Variants in CTNNA3 observed in about 807,000 individuals in gnomAD.
CTNNA3 encodes catenin alpha-3.
CTNNA3 carries 76 observed loss-of-function variants against 95.7 expected under a neutral mutation model. The ratio of observed to expected loss-of-function variants is 0.79; its 90% CI spans 0.66 to 0.96. The LOEUF is 0.96. Among genes scored for constraint, CTNNA3 ranks in the 40% least tolerant of loss-of-function variants. CTNNA3 has a pLI of 0.00. For synonymous variants in CTNNA3, 431 were observed against 374.4 expected, an observed-to-expected ratio of 1.15 and a Z score of -1.74; for missense variants, 1,191 against 1,089.8, an observed-to-expected ratio of 1.09 and a Z score of -1.31.
At chr10:66,667,252 T>C (rs755711805) in intron 9 of CTNNA3, among the ~76,000 whole-genome samples, 10 of 151,990 alleles carry the variant, frequency 6.6e-5, no homozygotes, top group Non-Finnish European at 1.0e-4. Flanking sequence ...TCTGATAAAA[T>C]TGCCCTTGTT....
At chr10:66,912,976 A>T (rs1846285076) in intron 7 of CTNNA3, among the ~76,000 whole-genome samples, 1 of 151,982 alleles carries the variant, frequency 6.6e-6, no homozygotes, top group Admixed American at 6.6e-5. Context: ...GCGGTGGCTC[A>T]TGCCTGTAAT....
chr10:67,208,252 C>T (rs1191120354), intron 6 of CTNNA3, among the ~76,000 whole-genome samples: 2 of 151,442 alleles, frequency 1.3e-5, no homozygotes, highest in African/African-American at 4.9e-5. Context: ...TGGTGGCAGG[C>T]GCCTGTAATC....
chr10:65,976,730 C>G (rs945327414), intron 16 of CTNNA3, among the ~76,000 whole-genome samples: 1 of 152,104 alleles, frequency 6.6e-6, no homozygotes, highest in African/African-American at 2.4e-5. Flanking sequence ...TGCCTCATTC[C>G]TACTTTAAGA....
At chr10:67,530,935 G>A (rs765430059) in intron 4 of CTNNA3, among the ~76,000 whole-genome samples, 14 of 152,198 alleles carry the variant, frequency 9.2e-5, no homozygotes, top group Non-Finnish European at 1.6e-4. Flanking sequence ...GTCGAGCTTG[G>A]GCTGTGGCTT....
At chr10:67,649,484 G>A (rs1175621878) in intron 1 of CTNNA3, among the ~76,000 whole-genome samples, 1 of 152,096 alleles carries the variant, frequency 6.6e-6, no homozygotes, top group East Asian at 1.9e-4. Flanking sequence ...TTAAGTCTGT[G>A]TTCATGTCTT....
At chr10:67,222,202 T>C (rs1170918232) in intron 5 of CTNNA3, among the ~76,000 whole-genome samples, 2 of 152,224 alleles carry the variant, frequency 1.3e-5, no homozygotes, top group African/African-American at 4.8e-5. Flanking sequence ...TTGGAGAGAT[T>C]AACTTCGTTA....
At chr10:66,846,625 T>A (rs895426915) in intron 7 of CTNNA3, among the ~76,000 whole-genome samples, 2 of 152,122 alleles carry the variant, frequency 1.3e-5, no homozygotes, top group Non-Finnish European at 2.9e-5. Flanking sequence ...CATTTGTCAG[T>A]TATACCTCAG....
intron 7 of CTNNA3, among the ~76,000 whole-genome samples, chr10:66,936,792 AT>A (rs1847725352): frequency 1.3e-5 from 2 of 152,076 alleles, no homozygotes; most frequent in Admixed American, 1.3e-4. Context: ...TTGGTTTCTT[AT>A]GCGTTATCAA....
intron 7 of CTNNA3, among the ~76,000 whole-genome samples, chr10:66,952,226 A>G (rs1056701839): frequency 2.0e-5 from 3 of 152,228 alleles, no homozygotes; most frequent in Non-Finnish European, 4.4e-5. Flanking sequence ...CAAAATGAAA[A>G]GAATACTCAT....
chr10:67,005,371 C>T (rs541247963), intron 7 of CTNNA3, among the ~76,000 whole-genome samples: 194 of 152,174 alleles, frequency 1.3e-3, no homozygotes, highest in African/African-American at 4.4e-3. Flanking sequence ...ATCACTTCCC[C>T]CAAGCAGACA....
At chr10:67,265,355 T>C (rs1178579681) in intron 5 of CTNNA3, among the ~76,000 whole-genome samples, 1 of 151,958 alleles carries the variant, frequency 6.6e-6, no homozygotes, top group African/African-American at 2.4e-5. Flanking sequence ...CCTAAAATGG[T>C]GAAAGAGCAA....
At chr10:67,320,869 G>T (rs1841290448) in intron 5 of CTNNA3, among the ~76,000 whole-genome samples, 1 of 152,142 alleles carries the variant, frequency 6.6e-6, no homozygotes, top group Non-Finnish European at 1.5e-5. Flanking sequence ...AGATTGGAAG[G>T]AAACATTTCT....
intron 13 of CTNNA3, among the ~76,000 whole-genome samples, chr10:66,115,868 C>T (rs974211666): frequency 2.3e-4 from 35 of 152,064 alleles, no homozygotes; most frequent in African/African-American, 7.7e-4. Context: ...AAAGAAATTA[C>T]ACATTACTGT....
At chr10:66,103,943 T>G (rs1346498393) in intron 13 of CTNNA3, among the ~76,000 whole-genome samples, 2 of 152,206 alleles carry the variant, frequency 1.3e-5, no homozygotes, top group African/African-American at 4.8e-5. Flanking sequence ...AGGGAAAATT[T>G]TATTTCAGTG....
chr10:67,677,353 T>C (rs548975062), intron 1 of CTNNA3, among the ~76,000 whole-genome samples: 37 of 152,268 alleles, frequency 2.4e-4, no homozygotes, highest in Non-Finnish European at 4.4e-4. Context: ...TGGGACATAC[T>C]TACACACGCA....
chr10:66,905,676 G>C (rs1180124179), intron 7 of CTNNA3, among the ~76,000 whole-genome samples: 2 of 152,150 alleles, frequency 1.3e-5, no homozygotes, highest in Admixed American at 6.5e-5. Flanking sequence ...TGGTGGAGTA[G>C]TGTTTGGCCT....
intron 14 of CTNNA3, among the ~76,000 whole-genome samples, chr10:66,085,668 TA>T (rs1360495865): frequency 6.6e-6 from 1 of 152,190 alleles, no homozygotes; most frequent in Non-Finnish European, 1.5e-5. Context: ...TTTTAAGTGC[TA>T]AAAACTGCCA....
intron 13 of CTNNA3, among the ~76,000 whole-genome samples, chr10:66,258,151 T>C (rs1442068975): frequency 6.6e-6 from 1 of 152,176 alleles, no homozygotes; most frequent in Admixed American, 6.5e-5. Flanking sequence ...TCTACTCCCT[T>C]ATGTGGATGA....
chr10:67,101,414 A>T (rs1231946165), intron 7 of CTNNA3, among the ~76,000 whole-genome samples: 1 of 150,460 alleles, frequency 6.6e-6, no homozygotes, highest in Non-Finnish European at 1.5e-5. Flanking sequence ...AAACCATGAA[A>T]TTTTTTTTAC....
Sources: allele counts gnomAD v4.1 joint callset (sites outside exome capture counted in the v4.1 genomes callset), GRCh38; gene constraint gnomAD v4.1.1; transcripts MANE v1.5; gene names NCBI Gene and HGNC (gene_info 2026-07-23, HGNC 2026-07-21).